Variants in MARCHF1 observed in about 807,000 individuals in gnomAD.
The protein encoded by MARCHF1 is E3 ubiquitin-protein ligase MARCHF1.
Under a neutral mutation model 54.2 loss-of-function variants are expected in MARCHF1, and 40 were observed. The observed-to-expected ratio is 0.74, with a 90% CI of 0.57 to 0.96. MARCHF1 has a LOEUF of 0.96. MARCHF1 is among the 40% of genes least tolerant of loss of function. MARCHF1 has a pLI of 0.00. For missense variants in MARCHF1, 586 were observed against 656.5 expected, an observed-to-expected ratio of 0.89 and a Z score of 1.17; for synonymous variants, 236 against 236.3, an observed-to-expected ratio of 1.00 and a Z score of 0.01.
rs1371343018 is a variant in MARCHF1, at chr4:163,527,528, T to TTATC, written c.*1216_*1219dup. On this transcript the variant is annotated 3_prime_UTR_variant, in exon 10 of 10. Coordinates refer to ENST00000514618, the MANE Select transcript of MARCHF1 (RefSeq NM_001394959.1). ...CTCTGCTATAGGCAGATTGATTGTT[T>TTATC]TATCTTTCTATACTTTTGGATTTTT... is the stretch of plus-strand genomic sequence containing the variant. 5.3e-5 allele frequency: 8 copies of TTATC among 151,810 alleles called. No homozygotes were observed. Among genetic ancestry groups the TTATC allele is most frequent in the Non-Finnish European group, 1.0e-4 (7 of 67,842 alleles). 9.4% of individuals were successfully genotyped at this position (151,810 alleles called of 1,614,324 possible).
At chr4:163,680,744 A>G (rs1395350884) in intron 5 of MARCHF1, among the ~76,000 whole-genome samples, 1 of 152,172 alleles carries the variant, frequency 6.6e-6, no homozygotes, top group East Asian at 1.9e-4. Flanking sequence ...CTTCTAAGGG[A>G]TAAATCCTGT....
At chr4:163,822,547 A>G (rs1284160771) in intron 4 of MARCHF1, among the ~76,000 whole-genome samples, 3 of 151,920 alleles carry the variant, frequency 2.0e-5, no homozygotes, top group Non-Finnish European at 4.4e-5. Context: ...ATGTTTGATC[A>G]TTCAACATTT....
chr4:163,967,121 G>A (rs1051270536), intron 3 of MARCHF1, among the ~76,000 whole-genome samples: 1 of 152,086 alleles, frequency 6.6e-6, no homozygotes, highest in Non-Finnish European at 1.5e-5. Flanking sequence ...CTTGAAAGAA[G>A]AAATGTCTTT....
chr4:164,044,074 T>C (rs115074599), intron 2 of MARCHF1, among the ~76,000 whole-genome samples: 304 of 152,294 alleles, frequency 2.0e-3, no homozygotes, highest in African/African-American at 7.0e-3. Flanking sequence ...CTCCAGGAAG[T>C]TCCAAACCTT....
At chr4:164,251,570 C>T (rs190526985) in intron 1 of MARCHF1, among the ~76,000 whole-genome samples, 3 of 152,200 alleles carry the variant, frequency 2.0e-5, no homozygotes, top group Admixed American at 1.3e-4. Flanking sequence ...AGTATGTAAA[C>T]GAATGCGGTT....
In MARCHF1 at chr4:164,190,106, T is replaced by C. The variant is rs567645937; in HGVS notation, c.-322-78444A>G. ...ATTCTCTAAAGAATCAGATTGGAGATAAAGAAAAGCTGGGAGGTAAACTTT... is the reference window on the plus strand; with the variant it reads ...ATTCTCTAAAGAATCAGATTGGAGACAAAGAAAAGCTGGGAGGTAAACTTT... On this transcript the variant is annotated intron_variant, in intron 1 of 9. Transcript: ENST00000514618. 1,307 of 1,455,638 alleles carry C rather than the reference T, an allele frequency of 9.0e-4. 26 individuals are homozygous for C. In the South Asian group the frequency reaches 0.015, roughly 16 times the overall value. 90.2% of individuals were successfully genotyped at this position (1,455,638 alleles called of 1,614,324 possible).
intron 3 of MARCHF1, among the ~76,000 whole-genome samples, chr4:163,857,101 G>A (rs1229968181): frequency 6.7e-6 from 1 of 148,342 alleles, no homozygotes; most frequent in Non-Finnish European, 1.5e-5. Flanking sequence ...TCAGAAGGGA[G>A]AGAGAGAAAA....
At chr4:164,015,899 C>CA (rs752066858) in intron 2 of MARCHF1, among the ~76,000 whole-genome samples, 38 of 141,348 alleles carry the variant, frequency 2.7e-4, no homozygotes, top group Middle Eastern at 3.6e-3. Flanking sequence ...ATAAGTTTCC[C>CA]CAAAAAAAAA....
intron 1 of MARCHF1, among the ~76,000 whole-genome samples, chr4:164,179,012 C>T (rs1730762233): frequency 6.6e-6 from 1 of 152,038 alleles, no homozygotes; most frequent in South Asian, 2.1e-4. Flanking sequence ...TTATAGAGAA[C>T]ACCATGTGGC....
chr4:164,225,679 T>C (rs1732231910), intron 1 of MARCHF1, among the ~76,000 whole-genome samples: 1 of 152,008 alleles, frequency 6.6e-6, no homozygotes, highest in South Asian at 2.1e-4. Context: ...AATTAAAAGC[T>C]GACAAACGAA....
At chr4:164,095,313 G>A (rs1270022037) in intron 2 of MARCHF1, among the ~76,000 whole-genome samples, 1 of 151,844 alleles carries the variant, frequency 6.6e-6, no homozygotes, top group Admixed American at 6.6e-5. Flanking sequence ...CATAGTAATA[G>A]CATATATGAC....
intron 2 of MARCHF1, among the ~76,000 whole-genome samples, chr4:164,008,125 T>A (rs1753337065): frequency 1.3e-5 from 2 of 152,042 alleles, no homozygotes; most frequent in Admixed American, 6.6e-5. Flanking sequence ...AGGCTGAAAT[T>A]AAAGGAGTAA....
chr4:163,990,997 G>A (rs1752957886), intron 2 of MARCHF1, among the ~76,000 whole-genome samples: 1 of 152,118 alleles, frequency 6.6e-6, no homozygotes, highest in Non-Finnish European at 1.5e-5. Context: ...TTATGCATAT[G>A]AGGTTATCCT....
chr4:163,855,184 T>C (rs749164165), intron 3 of MARCHF1, among the ~76,000 whole-genome samples: 5 of 152,116 alleles, frequency 3.3e-5, no homozygotes, highest in Non-Finnish European at 7.4e-5. Flanking sequence ...TCAAGTTAAA[T>C]GCATCTGAAC....
At chr4:163,808,229 C>T (rs923527378) in intron 4 of MARCHF1, among the ~76,000 whole-genome samples, 1 of 152,186 alleles carries the variant, frequency 6.6e-6, no homozygotes, top group African/African-American at 2.4e-5. Context: ...ATGTCAATTT[C>T]ACTAATCACA....
chr4:163,759,432 C>T (rs1277711085), intron 4 of MARCHF1, among the ~76,000 whole-genome samples: 1 of 151,956 alleles, frequency 6.6e-6, no homozygotes, highest in Admixed American at 6.6e-5. Context: ...GGTTAATGAT[C>T]TCATGATGTG....
chr4:164,239,001 T>G (rs1231767809), intron 1 of MARCHF1, among the ~76,000 whole-genome samples: 1 of 152,054 alleles, frequency 6.6e-6, no homozygotes, highest in Non-Finnish European at 1.5e-5. Flanking sequence ...TCTTTGGGCT[T>G]TTCATCTGTA....
At chr4:164,117,211 T>C (rs1286337063) in intron 1 of MARCHF1, among the ~76,000 whole-genome samples, 1 of 151,986 alleles carries the variant, frequency 6.6e-6, no homozygotes, top group African/African-American at 2.4e-5. Context: ...TGAGCCGAGA[T>C]CGCACCACTG....
At chr4:163,956,282 A>AC (rs1752231488) in intron 3 of MARCHF1, among the ~76,000 whole-genome samples, 1 of 152,174 alleles carries the variant, frequency 6.6e-6, no homozygotes, top group East Asian at 1.9e-4. Flanking sequence ...TTCAATAAAT[A>AC]TTTACTGAAA....
Sources: allele counts gnomAD v4.1 joint callset (sites outside exome capture counted in the v4.1 genomes callset), GRCh38; gene constraint gnomAD v4.1.1; transcripts MANE v1.5; gene names NCBI Gene and HGNC (gene_info 2026-07-23, HGNC 2026-07-21).